The following BTNL2 variants were observed in gnomAD, a reference collection of about 807,000 sequenced individuals.
BTNL2 encodes butyrophilin like 2.
In BTNL2, 46 loss-of-function variants were observed where a neutral mutation model predicts 46.8. That is an observed-to-expected ratio of 0.98 (90% CI 0.78 to 1.26). BTNL2 has a LOEUF of 1.26. BTNL2 is among the 50% of genes most tolerant of loss of function. The pLI is 0.00. For missense variants in BTNL2, 461 were observed against 592.6 expected (o/e 0.78, Z 2.31); for synonymous variants, 226 against 229.1 (o/e 0.99, Z 0.12).
chr6:32,405,074 T>G lies in BTNL2; in HGVS notation c.292A>C (p.Ile98Leu). Residue 98 changes from isoleucine (I) to leucine (L), a missense_variant, in exon 2 of 8, where the codon ATA becomes CTA. Transcript: ENST00000454136. ...MEEYRGWVEW[I>L]ENGIAKGNVA... ...TTTCCCTTTGCAATGCCATTCTCTA[T>G]CCACTCTACCCAGCCTCTGTACTCC... The G allele has an allele frequency of 6.2e-7, 1 of 1,613,060 alleles. No homozygotes were observed. Among genetic ancestry groups the G allele is most frequent in the Non-Finnish European group, 8.5e-7 (1 of 1,180,030 alleles).
Position 32,394,654 on chromosome 6 carries a change from C to T in BTNL2, c.1360+90G>A, listed in dbSNP as rs1485589280. ...TCGTCAGAGATCAGCAAATAAAAAT[C>T]ACAAAGGAAGAAGAGCAATACAATG... On this transcript the variant is annotated intron_variant, in intron 6 of 7. Coordinates refer to ENST00000454136, the MANE Select transcript of BTNL2 (RefSeq NM_001304561.2). This position sits in a 1 kb window ranked among gnomAD's most constrained non-coding sequence, Gnocchi z 4.6. 2.1e-6 allele frequency: 3 copies of T among 1,438,754 alleles called. No individual in the cohort carries two copies. The highest frequency in any genetic ancestry group is 1.9e-6 in the Non-Finnish European group (2 of 1,058,440). 89.1% of individuals were successfully genotyped at this position (1,438,754 alleles called of 1,614,324 possible).
At chr6:32,401,609 T>G (rs1242241001) in intron 4 of BTNL2, among the ~76,000 whole-genome samples, 176 bp downstream of exon 4, 2 of 152,098 alleles carry the variant, frequency 1.3e-5, no homozygotes, top group East Asian at 3.9e-4. Flanking sequence ...AGCTGCAACC[T>G]CCTTGAATGA....
In BTNL2 at chr6:32,393,990, G is replaced by T. The variant is rs2127701634; in HGVS notation, c.1428C>A (p.Gly476=). Residue 476 remains glycine, a synonymous_variant, in exon 7 of 8, where the codon GGC becomes GGA. Coordinates refer to ENST00000454136, the MANE Select transcript of BTNL2 (RefSeq NM_001304561.2). This position sits in a 1 kb window ranked among gnomAD's most constrained non-coding sequence, Gnocchi z 4.8. The part of the protein sequence containing the change: ...VWGLLLAVAV[G]LPRKRS ...CTTTTCAGCTCCTCTTCCTGGGCAG[G>T]CCTACAGCCACAGCAAGAAGCAATC... The T allele has an allele frequency of 6.5e-7, 1 of 1,550,138 alleles. No individual in the cohort carries two copies. Among genetic ancestry groups the T allele is most frequent in the Non-Finnish European group, 8.7e-7 (1 of 1,146,696 alleles).
intron 5 of BTNL2, 50 bp downstream of exon 5, chr6:32,395,987 TAA>T: frequency 1.4e-6 from 2 of 1,410,768 alleles, no homozygotes; most frequent in South Asian, 2.6e-5. Flanking sequence ...ACTAGCATAT[TAA>T]AGTGGCAGGA....
chr6:32,394,312 G>A lies in BTNL2; in HGVS notation c.1361-255C>T, dbSNP rs1409762561. The stretch of plus-strand genomic sequence containing the variant: ...CTTCCAACTATATCACACAATCACT[G>A]GAATGACTTGAGGAGGAAAGGATAA... On this transcript the variant is annotated intron_variant, in intron 6 of 7. Coordinates refer to ENST00000454136, the MANE Select transcript of BTNL2 (RefSeq NM_001304561.2). This position sits in a 1 kb window ranked among gnomAD's most constrained non-coding sequence, Gnocchi z 4.6. Among the ~76,000 whole-genome samples the A allele has an allele frequency of 6.6e-6, 1 of 152,092 alleles. No individual in the cohort carries two copies. The highest frequency in any genetic ancestry group is 1.5e-5 in the Non-Finnish European group (1 of 68,028).
At chr6:32,398,991 A>G (rs117171028) in intron 4 of BTNL2, among the ~76,000 whole-genome samples, 2,470 of 151,952 alleles carry the variant, frequency 0.016, 73 homozygotes, top group East Asian at 0.099. Context: ...ATAGGTAAAC[A>G]TGTGCCATGG....
intron 4 of BTNL2, among the ~76,000 whole-genome samples, chr6:32,397,385 T>C (rs1443913055): frequency 6.6e-6 from 1 of 152,212 alleles, no homozygotes; most frequent in African/African-American, 2.4e-5. Flanking sequence ...ACCTCACTTC[T>C]GTTTTCTGTA....
intron 3 of BTNL2, among the ~76,000 whole-genome samples, chr6:32,402,335 G>A (rs60715171): frequency 0.018 from 2,669 of 152,182 alleles, 77 homozygotes; most frequent in East Asian, 0.11. Flanking sequence ...TTTAAGGCCA[G>A]TAACTTTTAT....
At position 32,398,129 on chromosome 6, in the gene BTNL2, C is replaced by T. The variant is rs138340571; in HGVS notation, c.731-1743G>A. Among the ~76,000 whole-genome samples, 809 of 151,450 alleles carry T rather than the reference C, an allele frequency of 5.3e-3. 9 individuals are homozygous for T. The highest frequency in any genetic ancestry group is 0.018 in the African/African-American group (764 of 41,388). ...CTGGGCCCAAGCTATATTACATTTTCCATTCTCATCAGGCCCTGCCCGTGC... is the reference window on the plus strand; with the variant it reads ...CTGGGCCCAAGCTATATTACATTTTTCATTCTCATCAGGCCCTGCCCGTGC... On this transcript the variant is annotated intron_variant, in intron 4 of 7. Coordinates refer to ENST00000454136, the MANE Select transcript of BTNL2 (RefSeq NM_001304561.2).
chr6:32,402,842 T>A (rs982670799), intron 3 of BTNL2, 93 bp downstream of exon 3: 7 of 1,287,006 alleles, frequency 5.4e-6, no homozygotes, highest in African/African-American at 1.5e-5. Context: ...TGATAGATAA[T>A]GTCTCTTGAT....
chr6:32,394,680 A>C lies in BTNL2; in HGVS notation c.1360+64T>G. On this transcript the variant is annotated intron_variant, in intron 6 of 7. Transcript: ENST00000454136. This position sits in a 1 kb window ranked among gnomAD's most constrained non-coding sequence, Gnocchi z 4.6. ...ACAAAGGAAGAAGAGCAATACAATG[A>C]GTAAGTCTGAGTTGGTCTTCATATT... The C allele has an allele frequency of 6.6e-7, 1 of 1,504,106 alleles. No individual in the cohort carries two copies. Among genetic ancestry groups the C allele is most frequent in the Non-Finnish European group, 9.1e-7 (1 of 1,101,520 alleles). The allele number at this position is 1,504,106 out of a possible 1,614,324, so 93.2% of individuals were successfully genotyped here.
intron 1 of BTNL2, chr6:32,406,670 G>A (rs1777173088): frequency 6.4e-6 from 1 of 156,832 alleles, no homozygotes; most frequent in Non-Finnish European, 1.4e-5. Flanking sequence ...ATAAGAAGCA[G>A]CTGCATTTCT....
At position 32,396,423 on chromosome 6, in the gene BTNL2, C is replaced by A. The variant is rs1294674018; in HGVS notation, c.731-37G>T. The A allele has an allele frequency of 6.5e-7, 1 of 1,547,050 alleles. No homozygotes were observed. Among genetic ancestry groups the A allele is most frequent in the Non-Finnish European group, 8.9e-7 (1 of 1,129,724 alleles). ...AGTGGACAAAACACAATGAAAGAATCAAAATGGAACCAATAATGTCATCTC... is the reference window on the plus strand; with the variant it reads ...AGTGGACAAAACACAATGAAAGAATAAAAATGGAACCAATAATGTCATCTC... On this transcript the variant is annotated intron_variant, in intron 4 of 7. Coordinates refer to ENST00000454136, the MANE Select transcript of BTNL2 (RefSeq NM_001304561.2). This position sits in a 1 kb window ranked among gnomAD's most constrained non-coding sequence, Gnocchi z 4.4.
At chr6:32,404,393 G>A (rs1218624861) in intron 2 of BTNL2, among the ~76,000 whole-genome samples, 1 of 150,416 alleles carries the variant, frequency 6.6e-6, no homozygotes, top group East Asian at 2.0e-4. Context: ...TTCACAGAGG[G>A]TGTGTCCAAA....
At chr6:32,404,459 C>T (rs62404569) in intron 2 of BTNL2, among the ~76,000 whole-genome samples, 15,900 of 152,200 alleles carry the variant, frequency 0.1, 968 homozygotes, top group East Asian at 0.2. Flanking sequence ...CTCCAAAGCA[C>T]GACATTCTTA....
At position 32,401,824 on chromosome 6, in the gene BTNL2, T is replaced by C. The variant is rs41399051; in HGVS notation, c.710-19A>G. On this transcript the variant is annotated intron_variant, in intron 3 of 7. Coordinates refer to ENST00000454136, the MANE Select transcript of BTNL2 (RefSeq NM_001304561.2). ...AGTTTCTCTGGAAAAAGAACAAGAATAACATATTAAGGAATTTGGTGTAAG... is the reference window on the plus strand; with the variant it reads ...AGTTTCTCTGGAAAAAGAACAAGAACAACATATTAAGGAATTTGGTGTAAG... 37,255 of 1,605,804 alleles carry C rather than the reference T, an allele frequency of 0.023. 642 individuals carry two copies. Among genetic ancestry groups the C allele is most frequent in the South Asian group, 0.047 (4,170 of 89,348 alleles).
At chr6:32,402,822 T>C (rs1776863001) in intron 3 of BTNL2, 113 bp downstream of exon 3, 1 of 1,118,506 alleles carries the variant, frequency 8.9e-7, no homozygotes, top group South Asian at 1.6e-5. Context: ...TTTCAATACA[T>C]ATTGCTATAT....
rs1156513793 is a variant in BTNL2, at chr6:32,407,101, T to C, written c.23A>G (p.Asn8Ser). The C allele has an allele frequency of 1.2e-6, 2 of 1,612,860 alleles. No homozygotes were observed. The highest frequency in any genetic ancestry group is 1.7e-5 in the Admixed American group (1 of 60,006). Residue 8 changes from asparagine (N) to serine (S), a missense_variant, in exon 1 of 8, where the codon AAT (asparagine) becomes AGT (serine). By Grantham distance (46) the Asn-to-Ser change is conservative. Coordinates refer to ENST00000454136, the MANE Select transcript of BTNL2 (RefSeq NM_001304561.2). ...GAAGGAGGCGACTGCACCAGACAGATTGTAGCCTGGAAAATCCACCATCCT... is the reference window on the plus strand; with the variant it reads ...GAAGGAGGCGACTGCACCAGACAGACTGTAGCCTGGAAAATCCACCATCCT... MVDFPGY[N>S]LSGAVASFLF...
rs1225805397 is a variant in BTNL2 at position 32,396,568 on chromosome 6, AAGG to A, written c.731-185_731-183del. 2.7e-4 allele frequency: 171 copies of A among 634,312 alleles called. 2 individuals are homozygous for A. The Middle Eastern group carries it at 2.7e-3, about 10-fold the overall frequency. The allele number at this position is 634,312 out of a possible 1,614,324, so 39.3% of individuals were successfully genotyped here. A position where few individuals can be genotyped will look rare whatever the true frequency, so the allele number is the denominator to read the frequency against. ...CTCAGAATAGAGGTTGCTCTTCTTT[AAGG>A]AGGAATCATTCCATGATGTGTGTCA... On this transcript the variant is annotated intron_variant, in intron 4 of 7. Coordinates refer to ENST00000454136, the MANE Select transcript of BTNL2 (RefSeq NM_001304561.2). This position sits in a 1 kb window ranked among gnomAD's most constrained non-coding sequence, Gnocchi z 4.4.
Sources: allele counts gnomAD v4.1 joint callset (sites outside exome capture counted in the v4.1 genomes callset), GRCh38; gene constraint gnomAD v4.1.1; non-coding constraint Gnocchi (gnomAD v3.1); transcripts MANE v1.5; gene names NCBI Gene and HGNC (gene_info 2026-07-23, HGNC 2026-07-21).